Variants in KCTD8 observed in about 807,000 individuals in gnomAD.
KCTD8 encodes the protein potassium channel tetramerization domain containing 8, also known as BTB/POZ domain-containing protein KCTD8.
A neutral mutation model predicts 31.5 loss-of-function variants in KCTD8; 27 were observed. The ratio of observed to expected loss-of-function variants is 0.86; its 90% CI spans 0.63 to 1.18. KCTD8 has a LOEUF of 1.18. KCTD8 is among the 50% of genes most tolerant of loss of function. The pLI is 0.00. For synonymous variants in KCTD8, 290 were observed against 280.0 expected (o/e 1.04, Z -0.36); for missense variants, 658 against 647.7 (o/e 1.02, Z -0.17).
At chr4:44,258,935 C>A (rs955964491) in intron 1 of KCTD8, among the ~76,000 whole-genome samples, 8 of 151,810 alleles carry the variant, frequency 5.3e-5, no homozygotes, top group African/African-American at 1.9e-4. Context: ...ATGACCCCTA[C>A]CTCATAAAAT....
rs542475393 is a variant in KCTD8 at position 44,182,781 on chromosome 4, CAATAA to C, written c.962-7536_962-7532del. 5.0e-3 allele frequency among the ~76,000 whole-genome samples: 754 copies of C among 152,050 alleles called. 6 individuals are homozygous for C. Among genetic ancestry groups the C allele is most frequent in the African/African-American group, 0.017 (717 of 41,448 alleles). On this transcript the variant is annotated intron_variant, in intron 1 of 1. Coordinates refer to ENST00000360029, the MANE Select transcript of KCTD8 (RefSeq NM_198353.3). ...TCTGCAAGAAACACCCAAGAATGAT[CAATAA>C]AATAAAAAATAAATAAATAAATAAA...
chr4:44,418,947 C>T (rs555428131), intron 1 of KCTD8, among the ~76,000 whole-genome samples: 1 of 152,234 alleles, frequency 6.6e-6, no homozygotes, highest in South Asian at 2.1e-4. Flanking sequence ...ATAACCCAAC[C>T]GTGGCTGTGC....
chr4:44,205,655 A>G (rs1330691870), intron 1 of KCTD8, among the ~76,000 whole-genome samples: 1 of 152,242 alleles, frequency 6.6e-6, no homozygotes, highest in Non-Finnish European at 1.5e-5. Context: ...TTACCACTGT[A>G]GTGTTAAGGA....
At chr4:44,187,391 A>C (rs1325410469) in intron 1 of KCTD8, among the ~76,000 whole-genome samples, 1 of 152,138 alleles carries the variant, frequency 6.6e-6, no homozygotes, top group Non-Finnish European at 1.5e-5. Flanking sequence ...TTCTATCCAC[A>C]TTCACCCTTC....
chr4:44,227,400 T>C (rs1355347244), intron 1 of KCTD8, among the ~76,000 whole-genome samples: 1 of 152,190 alleles, frequency 6.6e-6, no homozygotes, highest in East Asian at 1.9e-4. Flanking sequence ...TTGGTCTATA[T>C]ATCTGTTTTG....
At chr4:44,259,118 A>C (rs1031469070) in intron 1 of KCTD8, among the ~76,000 whole-genome samples, 50 of 151,998 alleles carry the variant, frequency 3.3e-4, no homozygotes, top group African/African-American at 1.2e-3. Context: ...CCCAAATGAC[A>C]AAAGCACTTA....
intron 1 of KCTD8, among the ~76,000 whole-genome samples, chr4:44,201,075 G>T (rs575157795): frequency 2.0e-5 from 3 of 151,658 alleles, no homozygotes; most frequent in Non-Finnish European, 4.4e-5. Context: ...CAAAGAAAAT[G>T]AAAAACCTAG....
intron 1 of KCTD8, among the ~76,000 whole-genome samples, chr4:44,371,075 AG>A (rs1719771525): frequency 6.6e-6 from 1 of 152,116 alleles, no homozygotes; most frequent in East Asian, 1.9e-4. Flanking sequence ...GTGTAAATCC[AG>A]GTCAAGTCTT....
intron 1 of KCTD8, among the ~76,000 whole-genome samples, chr4:44,371,843 C>T (rs937640783): frequency 5.5e-4 from 83 of 151,928 alleles, no homozygotes; most frequent in African/African-American, 2.0e-3. Context: ...ATATATTTTC[C>T]TCCCTTTCTT....
In KCTD8 at chr4:44,439,719, A is replaced by C. The variant is rs116546933; in HGVS notation, c.961+7844T>G. Among the ~76,000 whole-genome samples, 748 of 152,134 alleles carry C rather than the reference A, an allele frequency of 4.9e-3. 7 individuals carry two copies. Among genetic ancestry groups the C allele is most frequent in the African/African-American group, 0.017 (705 of 41,520 alleles). The stretch of plus-strand genomic sequence containing the variant: ...GTATTATCAGATACTTCCTACATTT[A>C]ATTTACATAATAAAGCCTATGTCAG... On this transcript the variant is annotated intron_variant, in intron 1 of 1. Transcript: ENST00000360029.
intron 1 of KCTD8, among the ~76,000 whole-genome samples, chr4:44,341,866 A>C (rs1718906598): frequency 6.6e-6 from 1 of 152,190 alleles, no homozygotes; most frequent in Non-Finnish European, 1.5e-5. Flanking sequence ...CCTTTCCAGA[A>C]GACTGTAAAT....
chr4:44,337,589 G>A (rs975391331), intron 1 of KCTD8, among the ~76,000 whole-genome samples: 8 of 151,200 alleles, frequency 5.3e-5, no homozygotes, highest in African/African-American at 1.7e-4. Flanking sequence ...CAGAAGAATC[G>A]TTTGAATCCG....
chr4:44,405,778 C>A (rs1720779156), intron 1 of KCTD8, among the ~76,000 whole-genome samples: 1 of 141,566 alleles, frequency 7.1e-6, no homozygotes, highest in African/African-American at 2.6e-5. Context: ...ATCAATCATC[C>A]TCTAGCTATG....
chr4:44,431,620 AG>A (rs1458316664), intron 1 of KCTD8, among the ~76,000 whole-genome samples: 1 of 151,624 alleles, frequency 6.6e-6, no homozygotes, highest in Non-Finnish European at 1.5e-5. Context: ...TGTCTTCCAA[AG>A]AATATTCTAG....
At chr4:44,325,398 G>C (rs1015582672) in intron 1 of KCTD8, among the ~76,000 whole-genome samples, 3 of 151,824 alleles carry the variant, frequency 2.0e-5, no homozygotes, top group Non-Finnish European at 4.4e-5. Context: ...AACATATGTT[G>C]GTCAAAGTAT....
At chr4:44,327,781 A>G (rs961555316) in intron 1 of KCTD8, among the ~76,000 whole-genome samples, 2 of 151,810 alleles carry the variant, frequency 1.3e-5, no homozygotes, top group African/African-American at 4.8e-5. Context: ...CCATCTATTG[A>G]ATGGAGGCAT....
intron 1 of KCTD8, among the ~76,000 whole-genome samples, chr4:44,292,024 T>A (rs1717294344): frequency 6.8e-6 from 1 of 147,136 alleles, no homozygotes; most frequent in African/African-American, 2.5e-5. Context: ...ACTTATACAC[T>A]CTTGGTGGGA....
intron 1 of KCTD8, among the ~76,000 whole-genome samples, chr4:44,181,385 G>A (rs1577813525): frequency 6.6e-6 from 1 of 152,180 alleles, no homozygotes; most frequent in Non-Finnish European, 1.5e-5. Context: ...GCCTGCGATT[G>A]CAGGCGCGCA....
chr4:44,375,062 C>T (rs182780833), intron 1 of KCTD8, among the ~76,000 whole-genome samples: 31 of 152,260 alleles, frequency 2.0e-4, no homozygotes, highest in South Asian at 4.2e-4. Context: ...AGTATTATGA[C>T]ATTCATTCAC....
Sources: allele counts gnomAD v4.1 joint callset (sites outside exome capture counted in the v4.1 genomes callset), GRCh38; gene constraint gnomAD v4.1.1; transcripts MANE v1.5; gene names NCBI Gene and HGNC (gene_info 2026-07-23, HGNC 2026-07-21).